Variants in TNRC6C observed in about 807,000 individuals in gnomAD.
TNRC6C encodes the protein trinucleotide repeat containing adaptor 6C.
Under a neutral mutation model 153.7 loss-of-function variants are expected in TNRC6C, and 20 were observed. The ratio of observed to expected loss-of-function variants is 0.13; its 90% CI spans 0.09 to 0.19. The LOEUF is 0.19. Among genes scored for constraint, TNRC6C ranks in the 10% least tolerant of loss-of-function variants. The pLI, the probability that TNRC6C is intolerant of heterozygous loss-of-function variation, is 1.00. For synonymous variants in TNRC6C, 811 were observed against 841.4 expected (o/e 0.96, Z 0.63); for missense variants, 1,987 against 2,172.0 (o/e 0.91, Z 1.69).
chr17:78,088,068 T>G (rs2073329086), intron 13 of TNRC6C, among the ~76,000 whole-genome samples: 1 of 152,186 alleles, frequency 6.6e-6, no homozygotes, highest in Admixed American at 6.5e-5. Context: ...GCCAGTTGAG[T>G]GGTAGTGAAT....
chr17:78,022,927 T>C (rs1271916053), intron 1 of TNRC6C, among the ~76,000 whole-genome samples: 2 of 152,234 alleles, frequency 1.3e-5, no homozygotes, highest in African/African-American at 2.4e-5. Flanking sequence ...AACAATACAG[T>C]ATAACAGCTA....
intron 1 of TNRC6C, among the ~76,000 whole-genome samples, chr17:78,017,564 G>T (rs1164876503): frequency 6.6e-6 from 1 of 151,850 alleles, no homozygotes; most frequent in African/African-American, 2.4e-5. Context: ...GTTAACAATT[G>T]TAGCAACCTG....
intron 1 of TNRC6C, among the ~76,000 whole-genome samples, chr17:77,970,648 ATGAGATTTG>A (rs1232084337): frequency 6.6e-6 from 1 of 151,988 alleles, no homozygotes; most frequent in Non-Finnish European, 1.5e-5. Flanking sequence ...TTAAAATACT[ATGAGATTTG>A]TGTGTGTGTG....
intron 17 of TNRC6C, 110 bp downstream of exon 20, chr17:78,098,647 C>A: frequency 7.7e-7 from 1 of 1,301,470 alleles, no homozygotes; most frequent in Non-Finnish European, 1.0e-6. Flanking sequence ...AACTCTGGAG[C>A]CTGGGAGGGC....
intron 1 of TNRC6C, chr17:78,008,933 C>T (rs1379986187): frequency 6.6e-6 from 1 of 152,282 alleles, no homozygotes; most frequent in South Asian, 2.1e-4. Flanking sequence ...AGTTAGCACT[C>T]CTGGATCCCT....
At chr17:78,056,371 T>G (rs2072654273) in intron 3 of TNRC6C, among the ~76,000 whole-genome samples, 1 of 151,908 alleles carries the variant, frequency 6.6e-6, no homozygotes, top group Non-Finnish European at 1.5e-5. Context: ...TTGGCCAGGC[T>G]GGTCTGGAAC....
At chr17:78,007,548 G>C (rs1040653108) in intron 1 of TNRC6C, among the ~76,000 whole-genome samples, 1 of 152,168 alleles carries the variant, frequency 6.6e-6, no homozygotes, top group African/African-American at 2.4e-5. Context: ...ACATAAAATT[G>C]ATGCTTTCCT....
At chr17:78,037,889 CACTTTGA>C (rs1446335342) in intron 2 of TNRC6C, among the ~76,000 whole-genome samples, 2 of 152,166 alleles carry the variant, frequency 1.3e-5, no homozygotes, top group African/African-American at 4.8e-5. Context: ...AATGAGCTAT[CACTTTGA>C]GCTGTGATCC....
In TNRC6C at chr17:77,977,320, A is replaced by G. The variant is rs115943941; in HGVS notation, c.-38+18052A>G. Reference sequence around the variant, plus strand: ...ACTTCTGCTGGTATAAATTTTCTCTACAAAGTTTGATGAGATAGGAGTGAT... The same window carrying G: ...ACTTCTGCTGGTATAAATTTTCTCTGCAAAGTTTGATGAGATAGGAGTGAT... On this transcript the variant is annotated intron_variant, in intron 1 of 22. Transcript: ENST00000636222. Among the ~76,000 whole-genome samples the G allele has an allele frequency of 3.8e-3, 573 of 152,288 alleles. 5 individuals carry two copies. Among genetic ancestry groups the G allele is most frequent in the African/African-American group, 0.013 (543 of 41,554 alleles).
chr17:78,095,729 C>T (rs927493895), intron 16 of TNRC6C, among the ~76,000 whole-genome samples: 9 of 152,150 alleles, frequency 5.9e-5, no homozygotes, highest in African/African-American at 2.2e-4. Flanking sequence ...AACATCTCTT[C>T]ACGTAGAAAT....
intron 1 of TNRC6C, among the ~76,000 whole-genome samples, chr17:78,027,934 C>T (rs543651383): frequency 6.8e-6 from 1 of 146,436 alleles, no homozygotes; most frequent in African/African-American, 2.5e-5. Flanking sequence ...GATGGAGTCT[C>T]GCCCAGGCTG....
At chr17:78,073,703 C>G (rs1346966595) in intron 7 of TNRC6C, among the ~76,000 whole-genome samples, 1 of 152,194 alleles carries the variant, frequency 6.6e-6, no homozygotes, top group East Asian at 1.9e-4. Context: ...TGAGCCTCTG[C>G]TCACAACATT....
chr17:77,963,380 T>C (rs1024964962), intron 1 of TNRC6C, among the ~76,000 whole-genome samples: 36 of 152,198 alleles, frequency 2.4e-4, no homozygotes, highest in African/African-American at 8.4e-4. Context: ...GAAAAGTAAA[T>C]TATGTAATTT....
chr17:78,031,834 T>C (rs2072081251), exon 2 of TNRC6C: 1 of 1,232,026 alleles, frequency 8.1e-7, no homozygotes, highest in South Asian at 4.1e-5. Flanking sequence ...CCCAGTAAGC[T>C]CCAACCAGGT....
chr17:78,020,868 A>G (rs1160444719), intron 1 of TNRC6C, among the ~76,000 whole-genome samples: 2 of 152,216 alleles, frequency 1.3e-5, no homozygotes, highest in Non-Finnish European at 2.9e-5. Context: ...TGGCTGCTGT[A>G]CTGGGCAGCA....
At chr17:78,070,448 C>T (rs1382456866) in intron 5 of TNRC6C, among the ~76,000 whole-genome samples, 1 of 152,108 alleles carries the variant, frequency 6.6e-6, no homozygotes, top group African/African-American at 2.4e-5. Flanking sequence ...TTTATAGGCT[C>T]AGAGGGAAGT....
At chr17:78,094,639 C>T (rs1202176990) in intron 16 of TNRC6C, among the ~76,000 whole-genome samples, 9 of 152,058 alleles carry the variant, frequency 5.9e-5, no homozygotes, top group African/African-American at 2.2e-4. Context: ...GGGGTTTCAC[C>T]ATGTTTGCCA....
rs149853250 is a variant in TNRC6C, at chr17:78,058,269, G to A, written c.2396-6453G>A. 7.9e-3 allele frequency among the ~76,000 whole-genome samples: 1,205 copies of A among 152,300 alleles called. 4 individuals are homozygous for A. The highest frequency in any genetic ancestry group is 0.012 in the Non-Finnish European group (839 of 68,026). On this transcript the variant is annotated intron_variant, in intron 3 of 19. Coordinates refer to ENST00000301624, the Ensembl canonical transcript of TNRC6C. Reference sequence around the variant, plus strand: ...CAGAAAGGGAGAAAGTGCAAACATAGCATTTATGTGTGTTCTAAGGGAATG... The same window carrying A: ...CAGAAAGGGAGAAAGTGCAAACATAACATTTATGTGTGTTCTAAGGGAATG...
intron 1 of TNRC6C, among the ~76,000 whole-genome samples, chr17:77,976,543 G>T (rs1203827434): frequency 3.9e-5 from 6 of 152,158 alleles, no homozygotes; most frequent in African/African-American, 1.2e-4. Flanking sequence ...TGTGGTGTTG[G>T]ATTCTTCATC....
Sources: gnomAD v4.1 joint callset for allele counts (sites outside exome capture counted in the v4.1 genomes callset) on GRCh38, gnomAD v4.1.1 for gene constraint, MANE v1.5 for transcripts, NCBI Gene and HGNC (gene_info 2026-07-23, HGNC 2026-07-21) for gene names.